POT1: variants seen among roughly 807,000 people sequenced by gnomAD.
The protein encoded by POT1 is protection of telomeres protein 1.
In POT1, 47 loss-of-function variants were observed where a neutral mutation model predicts 78.5. That is an observed-to-expected ratio of 0.60 (90% CI 0.47 to 0.76). The LOEUF is 0.76. Ranked by LOEUF, POT1 falls within the 30% of genes least tolerant of loss-of-function variation. POT1 has a pLI of 0.00. For missense variants in POT1, 646 were observed against 749.9 expected (o/e 0.86, Z 1.62); for synonymous variants, 259 against 260.7 (o/e 0.99, Z 0.06).
rs984581166 is a variant in POT1, at chr7:124,873,828, G to A, written c.125-2787C>T. Among the ~76,000 whole-genome samples, 8 of 152,110 alleles carry A rather than the reference G, an allele frequency of 5.3e-5. No individual in the cohort carries two copies. In the South Asian group the frequency reaches 1.7e-3, roughly 31 times the overall value. ...AACAGTGAAGGAAAGGAGAGTGGAA[G>A]AAAATATCAACATATTTCAGGAAAA... On this transcript the variant is annotated intron_variant, in intron 6 of 18. Transcript: ENST00000357628.
chr7:124,906,458 G>T (rs1796767629), intron 3 of POT1, among the ~76,000 whole-genome samples: 2 of 143,708 alleles, frequency 1.4e-5, no homozygotes, highest in Admixed American at 1.4e-4. Flanking sequence ...TTGGACACAG[G>T]GTGGGGAACA....
At chr7:124,881,881 G>A (rs1346867194) in intron 6 of POT1, among the ~76,000 whole-genome samples, 3 of 151,906 alleles carry the variant, frequency 2.0e-5, no homozygotes, top group Non-Finnish European at 4.4e-5. Context: ...TACTTATAAT[G>A]TATATCTTTA....
intron 1 of POT1, chr7:124,929,568 A>G (rs894569017): frequency 2.1e-4 from 32 of 152,260 alleles, no homozygotes; most frequent in Admixed American, 1.8e-3. Context: ...CCTTCCCCCA[A>G]GCCACCTGAG....
intron 14 of POT1, 45 bp from the exon 15 acceptor site, chr7:124,835,459 G>A (rs2116444834): frequency 6.3e-7 from 1 of 1,586,514 alleles, no homozygotes; most frequent in Non-Finnish European, 8.6e-7. Context: ...CAAATAAAAT[G>A]TAGACAAGTA....
At chr7:124,871,199 A>G (rs1271710173) in intron 6 of POT1, among the ~76,000 whole-genome samples, 158 bp from the exon 7 acceptor site, 1 of 152,134 alleles carries the variant, frequency 6.6e-6, no homozygotes, top group African/African-American at 2.4e-5. Context: ...TTCAATACAC[A>G]CTGCAAAATT....
chr7:124,861,549 T>C (rs1327689088), intron 8 of POT1, among the ~76,000 whole-genome samples: 1 of 95,676 alleles, frequency 1.0e-5, no homozygotes, highest in East Asian at 2.6e-4. Context: ...ATTCTGTAGG[T>C]TGGCCTGTTC....
intron 6 of POT1, among the ~76,000 whole-genome samples, chr7:124,875,384 G>A (rs1795965798): frequency 6.6e-6 from 1 of 152,078 alleles, no homozygotes; most frequent in Non-Finnish European, 1.5e-5. Flanking sequence ...GATGATACAA[G>A]AATGAAATAA....
chr7:124,842,993 T>C, intron 12 of POT1, 30 bp from the exon 13 acceptor site: 1 of 1,450,978 alleles, frequency 6.9e-7, no homozygotes, highest in South Asian at 1.4e-5. Flanking sequence ...TCAATCAGAA[T>C]AACAAGAATC....
intron 11 of POT1, 86 bp from the exon 12 acceptor site, chr7:124,847,084 G>T: frequency 1.2e-6 from 1 of 855,862 alleles, no homozygotes; most frequent in Non-Finnish European, 1.9e-6. Flanking sequence ...GAGAGAAACT[G>T]AAGAAAATAT....
At chr7:124,899,470 G>A (rs1229656192) in intron 3 of POT1, among the ~76,000 whole-genome samples, 1 of 151,868 alleles carries the variant, frequency 6.6e-6, no homozygotes, top group Non-Finnish European at 1.5e-5. Context: ...TCTTCTTACT[G>A]AAGATTTTAT....
At chr7:124,922,733 C>T (rs543117744) in intron 2 of POT1, among the ~76,000 whole-genome samples, 2 of 151,636 alleles carry the variant, frequency 1.3e-5, no homozygotes, top group Non-Finnish European at 1.5e-5. Context: ...AAAAAACAGG[C>T]AAAACAAAGG....
chr7:124,851,765 G>T (rs1026313791), intron 11 of POT1, 107 bp downstream of exon 11: 7 of 844,176 alleles, frequency 8.3e-6, no homozygotes, highest in African/African-American at 1.7e-5. Context: ...TCTACTACAT[G>T]AAATTATTAA....
chr7:124,859,150 GA>G, intron 8 of POT1, 38 bp from the exon 9 acceptor site: 2 of 1,419,768 alleles, frequency 1.4e-6, no homozygotes, highest in Non-Finnish European at 1.9e-6. Flanking sequence ...TGATCCTTTT[GA>G]AAAAATGCTT....
At chr7:124,852,004 A>C (rs926511154) in intron 10 of POT1, 53 bp from the exon 11 acceptor site, 1 of 1,242,356 alleles carries the variant, frequency 8.0e-7, no homozygotes, top group Non-Finnish European at 1.2e-6. Flanking sequence ...TCAATATAGT[A>C]AATTTAGCTC....
intron 9 of POT1, chr7:124,858,723 T>C (rs1562990707): frequency 3.5e-6 from 1 of 285,566 alleles, no homozygotes; most frequent in Admixed American, 5.1e-5. Context: ...AGTAAAATTA[T>C]GTATACCTTT....
intron 8 of POT1, among the ~76,000 whole-genome samples, chr7:124,862,076 T>G (rs1208612387): frequency 3.3e-5 from 5 of 152,178 alleles, no homozygotes; most frequent in African/African-American, 1.2e-4. Context: ...AGGATTGTCT[T>G]GGCTATATGG....
At chr7:124,876,272 C>T (rs1795988293) in intron 6 of POT1, among the ~76,000 whole-genome samples, 1 of 152,094 alleles carries the variant, frequency 6.6e-6, no homozygotes, top group African/African-American at 2.4e-5. Context: ...TCTTTAATGA[C>T]TTTATTACCT....
chr7:124,909,997 C>CA (rs1341834913), intron 3 of POT1, among the ~76,000 whole-genome samples: 1 of 151,704 alleles, frequency 6.6e-6, no homozygotes, highest in African/African-American at 2.4e-5. Flanking sequence ...AGCAACCTTG[C>CA]AAAAAACAGA....
intron 3 of POT1, among the ~76,000 whole-genome samples, chr7:124,914,310 C>T (rs67939974): frequency 0.2 from 30,384 of 151,888 alleles, 3,784 homozygotes; most frequent in East Asian, 0.3. Context: ...AGGTTGTTTT[C>T]GCAATTTGAA....
Sources: allele counts gnomAD v4.1 joint callset (sites outside exome capture counted in the v4.1 genomes callset), GRCh38; gene constraint gnomAD v4.1.1; transcripts MANE v1.5; gene names NCBI Gene and HGNC (gene_info 2026-07-23, HGNC 2026-07-21).